FAM13B: variants seen among roughly 807,000 people sequenced by gnomAD.
The protein encoded by FAM13B is protein FAM13B.
FAM13B carries 60 observed loss-of-function variants against 117.3 expected under a neutral mutation model. That is an observed-to-expected ratio of 0.51 (90% confidence interval 0.42 to 0.63). FAM13B has a LOEUF of 0.63. FAM13B is among the 30% of genes least tolerant of loss of function. The pLI is 0.00. For synonymous variants in FAM13B, 332 were observed against 356.1 expected, an observed-to-expected ratio of 0.93 and a Z score of 0.76; for missense variants, 972 against 1,091.9, an observed-to-expected ratio of 0.89 and a Z score of 1.55.
chr5:137,995,393 A>T (rs1211206812), intron 7 of FAM13B, among the ~76,000 whole-genome samples: 2 of 152,232 alleles, frequency 1.3e-5, no homozygotes, highest in Admixed American at 1.3e-4. Context: ...TCATTAATCA[A>T]ACTACTATAA....
chr5:138,000,210 C>A (rs932204777), intron 7 of FAM13B, among the ~76,000 whole-genome samples: 1 of 152,050 alleles, frequency 6.6e-6, no homozygotes, highest in Non-Finnish European at 1.5e-5. Flanking sequence ...CTGGCCTGGG[C>A]AACGTAACGA....
Position 137,985,265 on chromosome 5 carries a change from T to G in FAM13B, c.1171A>C (p.Asn391His), listed in dbSNP as rs1776898144. The G allele has an allele frequency of 2.4e-5, 38 of 1,613,112 alleles. No individual in the cohort carries two copies. The highest frequency in any genetic ancestry group is 3.1e-5 in the Non-Finnish European group (37 of 1,179,722). The change falls in exon 10 of 24, where the codon AAT becomes CAT. Residue 391 changes from asparagine (N) to histidine (H), a missense_variant. Asn to His is a moderately conservative substitution (Grantham distance 68). Transcript: ENST00000689681. ...QQDCVFENEE[N>H]TQSVGILLEP... ...TTTTTGACATTCCTTACCTGGGTAT[T>G]TTCTTCATTCTCAAATACACAATCT...
At chr5:138,039,830 A>T (rs1791425622) in intron 1 of FAM13B, 1 of 152,136 alleles carries the variant, frequency 6.6e-6, no homozygotes, top group African/African-American at 2.4e-5. Context: ...ATTTTTTGCC[A>T]AACATTTACA....
intron 10 of FAM13B, among the ~76,000 whole-genome samples, chr5:137,984,047 A>G (rs1776539654): frequency 6.6e-6 from 1 of 152,186 alleles, no homozygotes; most frequent in Non-Finnish European, 1.5e-5. Flanking sequence ...ATTTAATGGC[A>G]ATTATATTAA....
rs1341281950 is a variant in FAM13B, at chr5:137,987,902, A to G, written c.891-286T>C. On this transcript the variant is annotated intron_variant, in intron 8 of 23. Coordinates refer to ENST00000689681, the MANE Select transcript of FAM13B (RefSeq NM_001385994.1). ...TAATTCACTCCTCACTACACAGAAA[A>G]CCACTAAATAAGGCTTTTCAAAGCT... Among the ~76,000 whole-genome samples the G allele has an allele frequency of 6.6e-5, 10 of 152,302 alleles. No homozygotes were observed. The East Asian group carries it at 1.9e-3, about 29-fold the overall frequency.
intron 1 of FAM13B, among the ~76,000 whole-genome samples, chr5:138,051,724 C>G (rs1791805745): frequency 6.6e-6 from 1 of 152,132 alleles, no homozygotes; most frequent in Admixed American, 6.6e-5. Context: ...CTTAAAACAA[C>G]CCATTTTGCA....
intron 7 of FAM13B, among the ~76,000 whole-genome samples, chr5:137,999,349 G>GGGCAGATCATGAGGTCA (rs1375636229): frequency 3.9e-5 from 6 of 152,060 alleles, no homozygotes; most frequent in African/African-American, 7.2e-5. Context: ...AGGCTGAAGT[G>GGGCAGATCATGAGGTCA]GGCAGATCAT....
Position 137,939,745 on chromosome 5 carries a change from G to C in FAM13B, c.*480C>G. On this transcript the variant is annotated 3_prime_UTR_variant, in exon 24 of 24. Coordinates refer to ENST00000689681, the MANE Select transcript of FAM13B (RefSeq NM_001385994.1). ...GATTTTGGTTTTCTAGGAAAACAGA[G>C]AACACAGTTGCGTATGTGCACTTTT... 1 of 566,516 alleles carries C rather than the reference G, an allele frequency of 1.8e-6. No homozygotes were observed. Among genetic ancestry groups the C allele is most frequent in the Non-Finnish European group, 2.3e-6 (1 of 429,152 alleles). The allele number at this position is 566,516 out of a possible 1,614,324, so 35.1% of individuals were successfully genotyped here. A position where few individuals can be genotyped will look rare whatever the true frequency, so the allele number is the denominator to read the frequency against.
intron 18 of FAM13B, among the ~76,000 whole-genome samples, chr5:137,947,583 ATTTC>A (rs1296661620): frequency 6.6e-6 from 1 of 151,760 alleles, no homozygotes; most frequent in Non-Finnish European, 1.5e-5. Context: ...ACAAAAAAAA[ATTTC>A]TTTTTTTTTT....
chr5:138,046,459 C>T (rs1043322391), intron 1 of FAM13B, among the ~76,000 whole-genome samples: 1 of 152,214 alleles, frequency 6.6e-6, no homozygotes. Flanking sequence ...TCTATTTTCT[C>T]TTTCCCTAAT....
chr5:138,014,250 T>C (rs1000484840), intron 4 of FAM13B, among the ~76,000 whole-genome samples: 3 of 152,060 alleles, frequency 2.0e-5, no homozygotes, highest in Non-Finnish European at 4.4e-5. Flanking sequence ...AGGGCAGAGA[T>C]TTTCATCTAG....
At chr5:137,969,788 A>C (rs1300613881) in intron 10 of FAM13B, among the ~76,000 whole-genome samples, 1 of 152,188 alleles carries the variant, frequency 6.6e-6, no homozygotes, top group Non-Finnish European at 1.5e-5. Flanking sequence ...GCTGAAAACC[A>C]AGGCTCGAGA....
intron 10 of FAM13B, among the ~76,000 whole-genome samples, chr5:137,963,312 T>C (rs1240091716): frequency 6.6e-6 from 1 of 152,270 alleles, no homozygotes; most frequent in East Asian, 1.9e-4. Context: ...AGCTGTCTTC[T>C]GTAAGTCAAA....
intron 18 of FAM13B, among the ~76,000 whole-genome samples, chr5:137,946,727 A>C (rs918708689): frequency 1.3e-5 from 2 of 152,246 alleles, no homozygotes; most frequent in Non-Finnish European, 2.9e-5. Context: ...GTAAACATAC[A>C]TAACTGCTTG....
chr5:138,012,919 T>A (rs947814170), intron 4 of FAM13B, among the ~76,000 whole-genome samples: 4 of 151,486 alleles, frequency 2.6e-5, no homozygotes, highest in Admixed American at 2.6e-4. Flanking sequence ...AAAAAAAAAA[T>A]TTGGCCTTGT....
chr5:138,012,278 T>C (rs912756398), intron 4 of FAM13B, among the ~76,000 whole-genome samples: 1 of 151,152 alleles, frequency 6.6e-6, no homozygotes, highest in Admixed American at 6.6e-5. Context: ...TGTACCTGTG[T>C]TTCCACACTA....
chr5:137,996,210 A>C (rs1581204245), intron 7 of FAM13B, among the ~76,000 whole-genome samples: 1 of 152,152 alleles, frequency 6.6e-6, no homozygotes, highest in Admixed American at 6.5e-5. Context: ...ATCTTGGCTC[A>C]CTGCAAGCTC....
chr5:138,025,313 A>ATT (rs869194123), intron 1 of FAM13B, among the ~76,000 whole-genome samples: 4 of 111,198 alleles, frequency 3.6e-5, no homozygotes, highest in African/African-American at 1.0e-4. Flanking sequence ...ATATATATGT[A>ATT]TTTTTTTTTT....
At chr5:137,997,475 AT>A (rs1448383497) in intron 7 of FAM13B, among the ~76,000 whole-genome samples, 1 of 147,890 alleles carries the variant, frequency 6.8e-6, no homozygotes, top group African/African-American at 2.5e-5. Context: ...ATCTCAAAAA[AT>A]ATATATATAT....
Sources: gnomAD v4.1 joint callset for allele counts (sites outside exome capture counted in the v4.1 genomes callset) on GRCh38, gnomAD v4.1.1 for gene constraint, MANE v1.5 for transcripts, NCBI Gene and HGNC (gene_info 2026-07-23, HGNC 2026-07-21) for gene names.